The following UPRT variants were observed in gnomAD, a reference collection of about 807,000 sequenced individuals.
UPRT encodes uracil phosphoribosyltransferase homolog, also known as RP11-311P8.3.
A neutral mutation model predicts 22.6 loss-of-function variants in UPRT; 5 were observed. The ratio of observed to expected loss-of-function variants is 0.22; its 90% CI spans 0.12 to 0.47. UPRT has a LOEUF of 0.47. Ranked by LOEUF, UPRT falls within the 20% of genes least tolerant of loss-of-function variation. The probability of loss-of-function intolerance (pLI) is 0.99; values close to 1 mark genes in which losing one functional copy is unlikely to be tolerated. For synonymous variants in UPRT, 77 were observed against 87.7 expected (o/e 0.88, Z 0.68); for missense variants, 181 against 239.9 (o/e 0.75, Z 1.62).
chrX:75,270,898 G>A (rs1219987960), upstream of UPRT, among the ~76,000 whole-genome samples: 3 of 110,252 alleles, frequency 2.7e-5, no homozygotes, highest in East Asian at 8.6e-4. Context: ...AGAACTTAAA[G>A]TATAATAAGG....
intron 4 of UPRT, among the ~76,000 whole-genome samples, chrX:75,234,575 T>A (rs2082452759): frequency 2.7e-5 from 3 of 111,638 alleles, no homozygotes; most frequent in African/African-American, 9.8e-5. Flanking sequence ...ACAGAAATTA[T>A]AACAAACTAT....
At chrX:75,233,610 G>A (rs1033004356) in intron 4 of UPRT, among the ~76,000 whole-genome samples, 1 of 111,306 alleles carries the variant, frequency 9.0e-6, no homozygotes, top group Non-Finnish European at 1.9e-5. Context: ...CTACAAGCCA[G>A]AAGAGAGTGG....
At chrX:75,262,916 G>C (rs2082573627) in intron 4 of UPRT, among the ~76,000 whole-genome samples, 1 of 111,244 alleles carries the variant, frequency 9.0e-6, no homozygotes, top group African/African-American at 3.3e-5. Flanking sequence ...AATGAACAAG[G>C]AGATTCAGGA....
chrX:75,253,186 T>C (rs2082537666), intron 4 of UPRT, among the ~76,000 whole-genome samples: 2 of 111,229 alleles, frequency 1.8e-5, no homozygotes, highest in South Asian at 3.8e-4. Context: ...ATACTTAAAG[T>C]ATAATAATAA....
intron 4 of UPRT, among the ~76,000 whole-genome samples, chrX:75,170,385 G>C (rs1159665868): frequency 9.0e-6 from 1 of 111,267 alleles, no homozygotes; most frequent in Non-Finnish European, 1.9e-5. Context: ...TCTGATATAA[G>C]GATAGCTACT....
intron 4 of UPRT, among the ~76,000 whole-genome samples, chrX:75,184,095 G>C (rs2082280703): frequency 9.0e-6 from 1 of 111,647 alleles, no homozygotes; most frequent in African/African-American, 3.3e-5. Context: ...TGAAGTCCTT[G>C]CCCATGCCTA....
chrX:75,272,219 G>A (rs1036135960), upstream of UPRT, among the ~76,000 whole-genome samples: 1 of 104,802 alleles, frequency 9.5e-6, no homozygotes, highest in Non-Finnish European at 1.9e-5. Context: ...TTGCAAAAAC[G>A]TGGAACCAAC....
chrX:75,292,070 G>A (rs1320273748), intron 1 of UPRT, among the ~76,000 whole-genome samples: 1 of 111,642 alleles, frequency 9.0e-6, no homozygotes, highest in Admixed American at 9.6e-5. Flanking sequence ...GACATTTCAG[G>A]TGTCTCCTAT....
intron 4 of UPRT, among the ~76,000 whole-genome samples, chrX:75,217,007 G>T (rs916001694): frequency 1.8e-5 from 2 of 111,735 alleles, no homozygotes; most frequent in African/African-American, 3.3e-5. Context: ...GCCTGCCTCG[G>T]CCTCCCAAAG....
chrX:75,165,805 G>A (rs2082211785), intron 3 of UPRT, among the ~76,000 whole-genome samples: 1 of 110,995 alleles, frequency 9.0e-6, no homozygotes, highest in South Asian at 3.9e-4. Context: ...GTCTCACTAT[G>A]TTGCCCAGGG....
At position 75,274,775 on chromosome X, in the gene UPRT, G is replaced by GGTGTGTGT. The variant is rs201034223; in HGVS notation, c.386+170_386+177dup. The GGTGTGTGT allele has an allele frequency of 6.4e-4, 231 of 361,617 alleles. 1 individual carries two copies. The highest frequency in any genetic ancestry group is 4.2e-3 in the African/African-American group (142 of 33,559). 29.8% of individuals were successfully genotyped at this position (361,617 alleles called of 1,213,427 possible). ...GAGATTGGGGTAAGACCTTTTATTT[G>GGTGTGTGT]GTGTGTGTGTGTGTGTGTGTGTGTG... On this transcript the variant is annotated intron_variant, in intron 1 of 6. Transcript: ENST00000373383.
intron 4 of UPRT, among the ~76,000 whole-genome samples, chrX:75,225,486 A>G (rs769483310): frequency 3.6e-5 from 4 of 110,946 alleles, no homozygotes; most frequent in Non-Finnish European, 7.5e-5. Context: ...TCCTCCTGAG[A>G]ATAATGCTTC....
intron 4 of UPRT, among the ~76,000 whole-genome samples, chrX:75,219,370 G>A (rs1205478669): frequency 8.9e-6 from 1 of 111,986 alleles, no homozygotes; most frequent in Non-Finnish European, 1.9e-5. Flanking sequence ...TAGGCTAAAT[G>A]CAAAAACAGA....
intron 4 of UPRT, among the ~76,000 whole-genome samples, chrX:75,226,164 T>G (rs1237213322): frequency 2.7e-5 from 3 of 111,448 alleles, no homozygotes; most frequent in African/African-American, 9.8e-5. Context: ...ACCAGCAAAA[T>G]TTAAAAGATC....
chrX:75,274,130 A>C lies in UPRT; in HGVS notation c.-125A>C, dbSNP rs1394720294. 2 of 1,029,501 alleles carry C rather than the reference A, an allele frequency of 1.9e-6. No homozygotes were observed. The highest frequency in any genetic ancestry group is 6.5e-5 in the East Asian group (2 of 30,820). The allele number at this position is 1,029,501 out of a possible 1,213,427, so 84.8% of individuals were successfully genotyped here. On this transcript the variant is annotated 5_prime_UTR_variant, in exon 1 of 7. Coordinates refer to ENST00000373383, the MANE Select transcript of UPRT (RefSeq NM_145052.4). ...AACAGCGGCCTAGGGGTGAAAGGACAGCCAGGGTTAGATGTTCTGAGGAGG... is the reference window on the plus strand; with the variant it reads ...AACAGCGGCCTAGGGGTGAAAGGACCGCCAGGGTTAGATGTTCTGAGGAGG...
intron 4 of UPRT, among the ~76,000 whole-genome samples, chrX:75,186,665 T>G (rs1287626351): frequency 8.9e-6 from 1 of 111,823 alleles, no homozygotes; most frequent in East Asian, 2.8e-4. Flanking sequence ...CTAAGTCACT[T>G]TGTAGGCCAC....
chrX:75,250,751 A>G (rs1411468128), intron 4 of UPRT, among the ~76,000 whole-genome samples: 1 of 111,571 alleles, frequency 9.0e-6, no homozygotes, highest in Non-Finnish European at 1.9e-5. Flanking sequence ...TGGCAGAGAC[A>G]CAACAAAAAA....
chrX:75,180,681 GTTTTT>G (rs59522302), intron 4 of UPRT, among the ~76,000 whole-genome samples: 1 of 43,895 alleles, frequency 2.3e-5, no homozygotes, highest in Non-Finnish European at 3.8e-5. Flanking sequence ...CCTTTTCTCT[GTTTTT>G]TTTTTTTTGT....
intron 4 of UPRT, among the ~76,000 whole-genome samples, chrX:75,261,958 G>T (rs995290492): frequency 9.0e-6 from 1 of 111,050 alleles, no homozygotes; most frequent in African/African-American, 3.3e-5. Flanking sequence ...TCCTCGAGAA[G>T]AGAAACTCCA....
Sources: gnomAD v4.1 joint callset for allele counts (sites outside exome capture counted in the v4.1 genomes callset) on GRCh38, gnomAD v4.1.1 for gene constraint, MANE v1.5 for transcripts, NCBI Gene and HGNC (gene_info 2026-07-23, HGNC 2026-07-21) for gene names.